Variants in MTUS2 observed in about 807,000 individuals in gnomAD.
MTUS2 encodes microtubule associated scaffold protein 2.
MTUS2 carries 40 observed loss-of-function variants against 114.1 expected under a neutral mutation model. The ratio of observed to expected loss-of-function variants is 0.35; its 90% CI spans 0.27 to 0.46. MTUS2 has a LOEUF of 0.46. Ranked by LOEUF, MTUS2 falls within the 20% of genes least tolerant of loss-of-function variation. MTUS2 has a pLI of 1.00. For missense variants in MTUS2, 1,679 were observed against 1,705.4 expected (o/e 0.98, Z 0.27); for synonymous variants, 688 against 672.0 (o/e 1.02, Z -0.37).
chr13:29,012,400 G>A (rs1205195078), intron 2 of MTUS2, among the ~76,000 whole-genome samples: 5 of 152,244 alleles, frequency 3.3e-5, no homozygotes, highest in Middle Eastern at 3.4e-3. Context: ...TCAGTCCAGC[G>A]TGTCCACATT....
intron 5 of MTUS2, among the ~76,000 whole-genome samples, chr13:29,243,440 C>T (rs1477472236): frequency 2.0e-5 from 3 of 152,126 alleles, no homozygotes; most frequent in African/African-American, 7.2e-5. Context: ...CCTCAATGTG[C>T]GAATGTGGAG....
At chr13:29,080,933 C>T (rs904556858) in intron 4 of MTUS2, among the ~76,000 whole-genome samples, 7 of 152,098 alleles carry the variant, frequency 4.6e-5, no homozygotes, top group Non-Finnish European at 8.8e-5. Flanking sequence ...ACCATGTTGA[C>T]CAGGGTGGTC....
intron 5 of MTUS2, among the ~76,000 whole-genome samples, chr13:29,196,563 A>G (rs1171277375): frequency 1.3e-5 from 2 of 152,102 alleles, no homozygotes. Flanking sequence ...ATCCATCTCC[A>G]GAACTATTTT....
At chr13:28,893,060 G>A (rs142334522) in intron 2 of MTUS2, among the ~76,000 whole-genome samples, 1 of 152,296 alleles carries the variant, frequency 6.6e-6, no homozygotes, top group Non-Finnish European at 1.5e-5. Flanking sequence ...GAGAGGAGGA[G>A]CAGCAAGAAA....
intron 2 of MTUS2, among the ~76,000 whole-genome samples, chr13:28,914,419 T>C (rs1880631820): frequency 6.6e-6 from 1 of 152,158 alleles, no homozygotes. Context: ...GTGAGTTTCT[T>C]AATCTTGAGT....
chr13:29,461,574 A>T (rs1879498415), intron 9 of MTUS2, among the ~76,000 whole-genome samples: 1 of 152,074 alleles, frequency 6.6e-6, no homozygotes, highest in Non-Finnish European at 1.5e-5. Flanking sequence ...CTTCCGTTCC[A>T]CTCTGTTCTC....
chr13:29,167,686 G>T, intron 5 of MTUS2, among the ~76,000 whole-genome samples: 1 of 152,046 alleles, frequency 6.6e-6, no homozygotes, highest in East Asian at 1.9e-4. Context: ...TTGAAAATTT[G>T]TAATCCAAAA....
intron 8 of MTUS2, among the ~76,000 whole-genome samples, chr13:29,417,589 C>A (rs1186512238): frequency 6.6e-6 from 1 of 152,064 alleles, no homozygotes; most frequent in African/African-American, 2.4e-5. Flanking sequence ...ACTCTGGGCA[C>A]CTTGTAATTT....
chr13:28,942,654 G>A (rs148771342), intron 2 of MTUS2, among the ~76,000 whole-genome samples: 331 of 152,338 alleles, frequency 2.2e-3, no homozygotes, highest in African/African-American at 6.7e-3. Flanking sequence ...GTTGTTACAT[G>A]GTGACATGGA....
At chr13:28,912,436 A>G (rs1332522415) in intron 2 of MTUS2, among the ~76,000 whole-genome samples, 3 of 152,194 alleles carry the variant, frequency 2.0e-5, no homozygotes, top group African/African-American at 7.2e-5. Context: ...GTTTGAAGTC[A>G]GGTAGCGTGA....
intron 9 of MTUS2, among the ~76,000 whole-genome samples, chr13:29,440,963 C>CT (rs1395895294): frequency 6.6e-6 from 1 of 152,200 alleles, no homozygotes; most frequent in African/African-American, 2.4e-5. Context: ...TTCCCCAACC[C>CT]TTTGTATTCC....
intron 6 of MTUS2, among the ~76,000 whole-genome samples, chr13:29,288,168 T>A (rs1161053934): frequency 6.6e-6 from 1 of 152,246 alleles, no homozygotes; most frequent in Non-Finnish European, 1.5e-5. Context: ...CCAAGAGCTC[T>A]AAGGAAAGTT....
At chr13:29,434,715 C>T (rs181360518) in intron 8 of MTUS2, among the ~76,000 whole-genome samples, 40 of 152,274 alleles carry the variant, frequency 2.6e-4, no homozygotes, top group African/African-American at 6.7e-4. Context: ...ACCAGCTTCA[C>T]GGGGTAGCAT....
chr13:29,297,564 G>A (rs899627631), intron 6 of MTUS2, among the ~76,000 whole-genome samples: 1 of 152,140 alleles, frequency 6.6e-6, no homozygotes, highest in Non-Finnish European at 1.5e-5. Context: ...TTCGATGGAA[G>A]CCAATTAATT....
chr13:29,211,513 T>A (rs1295823619), intron 5 of MTUS2, among the ~76,000 whole-genome samples: 2 of 152,222 alleles, frequency 1.3e-5, no homozygotes, highest in Non-Finnish European at 2.9e-5. Context: ...CAGCTGGAAG[T>A]TTCCTTCTCC....
At chr13:29,472,399 TAGAG>T (rs1880387128) in intron 9 of MTUS2, among the ~76,000 whole-genome samples, 1 of 152,116 alleles carries the variant, frequency 6.6e-6, no homozygotes, top group Non-Finnish European at 1.5e-5. Flanking sequence ...AATCAGTAAT[TAGAG>T]AGAGTAGGGC....
intron 2 of MTUS2, among the ~76,000 whole-genome samples, chr13:28,861,723 G>A (rs1876998012): frequency 1.3e-5 from 2 of 152,214 alleles, no homozygotes; most frequent in Admixed American, 1.3e-4. Flanking sequence ...CTGGCTGTGT[G>A]GAGCAATAGG....
chr13:29,306,503 C>T (rs945846335), intron 6 of MTUS2, among the ~76,000 whole-genome samples: 5 of 152,062 alleles, frequency 3.3e-5, no homozygotes, highest in African/African-American at 9.7e-5. Context: ...AACAGGAAAG[C>T]AGAGAGCCAA....
At chr13:29,193,417 A>G (rs1474247617) in intron 5 of MTUS2, among the ~76,000 whole-genome samples, 6 of 152,158 alleles carry the variant, frequency 3.9e-5, no homozygotes, top group Non-Finnish European at 8.8e-5. Context: ...TACAAAATCA[A>G]TGTACAAAAA....
Sources: gnomAD v4.1 joint callset for allele counts (sites outside exome capture counted in the v4.1 genomes callset) on GRCh38, gnomAD v4.1.1 for gene constraint, MANE v1.5 for transcripts, NCBI Gene and HGNC (gene_info 2026-07-23, HGNC 2026-07-21) for gene names.